The following MYO16 variants were observed in gnomAD, a reference collection of about 807,000 sequenced individuals.
MYO16 encodes unconventional myosin-XVI.
Under a neutral mutation model 205.3 loss-of-function variants are expected in MYO16, and 94 were observed. The observed-to-expected ratio is 0.46, with a 90% CI of 0.39 to 0.54. The LOEUF is 0.54. Ranked by LOEUF, MYO16 falls within the 20% of genes least tolerant of loss-of-function variation. The pLI is 0.00. For missense variants in MYO16, 2,315 were observed against 2,387.5 expected (o/e 0.97, Z 0.63); for synonymous variants, 988 against 954.0 (o/e 1.04, Z -0.66).
At chr13:108,942,762 T>G (rs1020102071) in intron 16 of MYO16, among the ~76,000 whole-genome samples, 1 of 152,196 alleles carries the variant, frequency 6.6e-6, no homozygotes, top group Non-Finnish European at 1.5e-5. Flanking sequence ...TATTTTTGTT[T>G]CCTTGACTGA....
At chr13:108,581,153 A>T in the MYO16 span, among the ~76,000 whole-genome samples, 339 of 152,128 alleles carry the variant, frequency 2.2e-3, 3 homozygotes, top group Admixed American at 0.011. Flanking sequence ...ATTTTTGAGT[A>T]CCCATTTTAG....
chr13:108,847,665 G>A (rs1261652106), intron 10 of MYO16, among the ~76,000 whole-genome samples: 2 of 151,762 alleles, frequency 1.3e-5, no homozygotes, highest in Non-Finnish European at 2.9e-5. Context: ...AATACTAAAG[G>A]CTTGATTTGA....
chr13:108,990,427 T>C (rs1225945246), intron 20 of MYO16, among the ~76,000 whole-genome samples: 1 of 152,224 alleles, frequency 6.6e-6, no homozygotes, highest in African/African-American at 2.4e-5. Flanking sequence ...GTTTTATTTA[T>C]ATTACTTATC....
the MYO16 span, among the ~76,000 whole-genome samples, chr13:108,504,002 T>C: frequency 1.4e-4 from 22 of 152,224 alleles, no homozygotes; most frequent in Non-Finnish European, 2.6e-4. Flanking sequence ...TCAGTTTTTT[T>C]AAATTGTGGT....
intron 34 of MYO16, among the ~76,000 whole-genome samples, chr13:109,184,009 T>G (rs774692901): frequency 2.6e-5 from 4 of 152,218 alleles, no homozygotes; most frequent in Non-Finnish European, 5.9e-5. Flanking sequence ...AATGCCTTCT[T>G]TCTATATTCA....
chr13:108,862,332 T>C (rs1222324481), intron 11 of MYO16, among the ~76,000 whole-genome samples: 4 of 152,154 alleles, frequency 2.6e-5, no homozygotes, highest in Admixed American at 2.6e-4. Flanking sequence ...TTTTGGACTT[T>C]AGGTATTTCA....
rs1457522241 is a variant in MYO16 at position 108,917,278 on chromosome 13, G to T, written c.1925+7128G>T. ...GGCCCATCCCGGGCCCCTAAGTTAA[G>T]GACAGAAGGAAGAAATACATTTGGC... On this transcript the variant is annotated intron_variant, in intron 16 of 34. Transcript: ENST00000457511. 5.9e-5 allele frequency among the ~76,000 whole-genome samples: 9 copies of T among 152,298 alleles called. No individual in the cohort carries two copies. In the East Asian group the frequency reaches 1.7e-3, roughly 29 times the overall value.
intron 7 of MYO16, among the ~76,000 whole-genome samples, chr13:108,807,491 G>A (rs2138983967): frequency 6.6e-6 from 1 of 152,286 alleles, no homozygotes; most frequent in South Asian, 2.1e-4. Flanking sequence ...TTAAGGATCT[G>A]CTAAATATCC....
intron 33 of MYO16, among the ~76,000 whole-genome samples, chr13:109,176,796 A>C (rs1324224552): frequency 1.3e-4 from 16 of 124,830 alleles, no homozygotes; most frequent in South Asian, 2.8e-4. Flanking sequence ...CCCAGCACCC[A>C]CTCACCTGCC....
intron 3 of MYO16, among the ~76,000 whole-genome samples, chr13:108,724,880 T>C (rs572325056): frequency 1.6e-5 from 2 of 125,078 alleles, no homozygotes; most frequent in Admixed American, 1.8e-4. Context: ...ATATTTTAAG[T>C]ATACTAAATG....
intron 16 of MYO16, among the ~76,000 whole-genome samples, chr13:108,910,718 G>A (rs1311211342): frequency 6.6e-6 from 1 of 152,196 alleles, no homozygotes; most frequent in African/African-American, 2.4e-5. Flanking sequence ...CTGGTTTAGT[G>A]TGTCTCTGCC....
chr13:108,508,133 A>C, the MYO16 span, among the ~76,000 whole-genome samples: 2 of 151,774 alleles, frequency 1.3e-5, no homozygotes, highest in East Asian at 3.9e-4. Flanking sequence ...TTGTTACATA[A>C]TTCATAGATC....
At chr13:108,738,112 A>AT (rs796185777) in intron 4 of MYO16, among the ~76,000 whole-genome samples, 17 of 151,594 alleles carry the variant, frequency 1.1e-4, no homozygotes, top group South Asian at 1.0e-3. Flanking sequence ...ATTTTGAAGG[A>AT]TTTTTTTTGT....
chr13:108,909,944 T>G, intron 15 of MYO16, 59 bp from the exon 16 acceptor site: 1 of 1,515,670 alleles, frequency 6.6e-7, no homozygotes, highest in Non-Finnish European at 9.1e-7. Context: ...TATGTGTTAA[T>G]TTATGGAAAT....
At chr13:108,997,226 G>T (rs2139449728) in intron 21 of MYO16, among the ~76,000 whole-genome samples, 1 of 151,868 alleles carries the variant, frequency 6.6e-6, no homozygotes, top group South Asian at 2.1e-4. Flanking sequence ...GGGAGGTTGA[G>T]GCTGCTGCAG....
chr13:109,031,237 G>A (rs1011088803), intron 23 of MYO16, among the ~76,000 whole-genome samples: 1 of 151,946 alleles, frequency 6.6e-6, no homozygotes, highest in Non-Finnish European at 1.5e-5. Flanking sequence ...AACCACAGGC[G>A]CCCACCACCA....
chr13:109,022,984 A>G (rs1886144118), intron 23 of MYO16, among the ~76,000 whole-genome samples: 1 of 134,932 alleles, frequency 7.4e-6, no homozygotes, highest in Non-Finnish European at 1.5e-5. Context: ...AAATATAGGT[A>G]TATATTTATA....
chr13:109,071,546 A>G (rs1887926072), intron 27 of MYO16, among the ~76,000 whole-genome samples: 1 of 152,176 alleles, frequency 6.6e-6, no homozygotes, highest in Non-Finnish European at 1.5e-5. Flanking sequence ...TTCACAAATC[A>G]GAATACAACA....
At chr13:108,806,386 T>C (rs1455265040) in intron 6 of MYO16, among the ~76,000 whole-genome samples, 1 of 152,212 alleles carries the variant, frequency 6.6e-6, no homozygotes, top group African/African-American at 2.4e-5. Context: ...TTCTGTATTT[T>C]AAAATATTCA....
Sources: gnomAD v4.1 joint callset for allele counts (sites outside exome capture counted in the v4.1 genomes callset) on GRCh38, gnomAD v4.1.1 for gene constraint, MANE v1.5 for transcripts, NCBI Gene and HGNC (gene_info 2026-07-23, HGNC 2026-07-21) for gene names.